Variants in APOBEC3F observed in about 807,000 individuals in gnomAD.
APOBEC3F encodes apolipoprotein B mRNA editing enzyme catalytic subunit 3F.
In APOBEC3F, 34 loss-of-function variants were observed where a neutral mutation model predicts 45.8. That is an observed-to-expected ratio of 0.74 (90% confidence interval 0.57 to 0.99). APOBEC3F has a LOEUF of 0.99. APOBEC3F is among the 50% of genes least tolerant of loss of function. APOBEC3F has a pLI of 0.00. For synonymous variants in APOBEC3F, 192 were observed against 174.4 expected, an observed-to-expected ratio of 1.10 and a Z score of -0.80; for missense variants, 459 against 474.1, an observed-to-expected ratio of 0.97 and a Z score of 0.30.
At chr22:39,050,964 T>C (rs1259437335) in intron 5 of APOBEC3F, among the ~76,000 whole-genome samples, 1 of 152,052 alleles carries the variant, frequency 6.6e-6, no homozygotes, top group African/African-American at 2.4e-5. Flanking sequence ...AGGGGCCGAG[T>C]GCAGTGGCTC....
rs1926924864 is a variant in APOBEC3F, at chr22:39,041,960, A to C, written c.18-977A>C. Among the ~76,000 whole-genome samples, 3 of 152,348 alleles carry C rather than the reference A, an allele frequency of 2.0e-5. No individual in the cohort carries two copies. In the South Asian group the frequency reaches 6.2e-4, roughly 32 times the overall value. On this transcript the variant is annotated intron_variant, in intron 1 of 6. Coordinates refer to ENST00000308521, the MANE Select transcript of APOBEC3F (RefSeq NM_145298.6). ...TTATTTTAAAATTTAGTAAGAAGAG[A>C]GTCTGGTCCCCAATGGCTCCCTCCT... is the stretch of plus-strand genomic sequence containing the variant.
chr22:39,045,236 G>T lies in APOBEC3F; in HGVS notation c.451+16G>T, dbSNP rs1249904124. ...GACGATGAAGGTGAGAGGTGGAGGG[G>T]TCAGGGGAGCGTGAGCGGGAGGAAC... On this transcript the variant is annotated intron_variant, in intron 3 of 6. Transcript: ENST00000308521. The T allele has an allele frequency of 1.9e-6, 3 of 1,612,356 alleles. No individual in the cohort carries two copies. The highest frequency in any genetic ancestry group is 1.1e-5 in the South Asian group (1 of 91,044).
intron 4 of APOBEC3F, 97 bp downstream of exon 4, chr22:39,045,639 G>A: frequency 6.3e-7 from 1 of 1,582,354 alleles, no homozygotes; most frequent in Non-Finnish European, 8.6e-7. Flanking sequence ...CCTCCGTCCT[G>A]CCCCCTGCCT....
chr22:39,045,561 C>T lies in APOBEC3F; in HGVS notation c.566+19C>T, dbSNP rs746214420. 2 of 1,613,922 alleles carry T rather than the reference C, an allele frequency of 1.2e-6. No homozygotes were observed. The highest frequency in any genetic ancestry group is 1.1e-5 in the South Asian group (1 of 91,072). ...TTCTCAGGTGAGGGTCTCCCTCTGG[C>T]CTCATCGTCTGTCTCCTCTCGCCTC... On this transcript the variant is annotated intron_variant, in intron 4 of 6. Transcript: ENST00000308521.
At chr22:39,047,633 C>G (rs920782543) in intron 4 of APOBEC3F, among the ~76,000 whole-genome samples, 25 of 152,056 alleles carry the variant, frequency 1.6e-4, no homozygotes, top group African/African-American at 6.0e-4. Flanking sequence ...CCTCTGGTTC[C>G]TCTGCTGCTC....
intron 4 of APOBEC3F, among the ~76,000 whole-genome samples, chr22:39,045,784 C>T (rs893263212): frequency 8.5e-5 from 13 of 152,290 alleles, no homozygotes; most frequent in Middle Eastern, 3.4e-3. Flanking sequence ...CCTTCGAGGC[C>T]GCCCTCCCCA....
chr22:39,043,929 G>T (rs1441629237), intron 2 of APOBEC3F, among the ~76,000 whole-genome samples: 1 of 152,162 alleles, frequency 6.6e-6, no homozygotes, highest in East Asian at 1.9e-4. Context: ...GGAGGCTGAG[G>T]CAGGAGAACC....
intron 6 of APOBEC3F, 94 bp from the exon 7 acceptor site, chr22:39,052,483 C>A: frequency 6.4e-7 from 1 of 1,568,810 alleles, no homozygotes; most frequent in Non-Finnish European, 8.6e-7. Flanking sequence ...TCCACTGCAA[C>A]TGGCAGTCAG....
At position 39,052,624 on chromosome 22, in the gene APOBEC3F, T is replaced by C. The variant is rs757600612; in HGVS notation, c.1051T>C (p.Phe351Leu). ...ENFVYNDDEP[F>L]KPWKGLKYNF... Reference sequence around the variant, plus strand: ...CTTTGTGTACAATGATGATGAGCCATTCAAGCCTTGGAAAGGACTAAAATA... The same window carrying C: ...CTTTGTGTACAATGATGATGAGCCACTCAAGCCTTGGAAAGGACTAAAATA... The change falls in exon 7 of 7, where the codon TTC becomes CTC. Residue 351 changes from phenylalanine to leucine, a missense_variant. Physicochemically the swap from Phe to Leu is conservative, Grantham distance 22 (BLOSUM62 0). Coordinates refer to ENST00000308521, the MANE Select transcript of APOBEC3F (RefSeq NM_145298.6). 9 of 1,613,922 alleles carry C rather than the reference T, an allele frequency of 5.6e-6. No homozygotes were observed. The highest frequency in any genetic ancestry group is 6.8e-6 in the Non-Finnish European group (8 of 1,179,972).
rs749633845 is a variant in APOBEC3F at position 39,045,118 on chromosome 22, A to G, written c.349A>G (p.Ile117Val). The G allele has an allele frequency of 1.9e-6, 3 of 1,613,960 alleles. No homozygotes were observed. In the South Asian group the frequency reaches 3.3e-5, roughly 18 times the overall value. The change falls in exon 3 of 7, where the codon ATC becomes GTC. Residue 117 changes from isoleucine to valine, a missense_variant. Transcript: ENST00000308521. The part of the protein sequence containing the change: ...LAEHPNVTLT[I>V]SAARLYYYWE... ...TGAGCACCCCAATGTCACCCTGACC[A>G]TCTCCGCCGCCCGCCTCTACTACTA...
intron 1 of APOBEC3F, among the ~76,000 whole-genome samples, chr22:39,042,645 C>T (rs113066397): frequency 6.6e-5 from 10 of 152,176 alleles, no homozygotes; most frequent in African/African-American, 2.2e-4. Flanking sequence ...TTTACTAATG[C>T]GTTGGAGAAT....
At position 39,055,928 on chromosome 22, in the gene APOBEC3F, G is replaced by T. The variant is rs754656150; in HGVS notation, c.*3233G>T. 6.6e-6 allele frequency among the ~76,000 whole-genome samples: 1 copy of T among 152,186 alleles called. No homozygotes were observed. Among genetic ancestry groups the T allele is most frequent in the African/African-American group, 2.4e-5 (1 of 41,446 alleles). On this transcript the variant is annotated 3_prime_UTR_variant, in exon 7 of 7. Coordinates refer to ENST00000308521, the MANE Select transcript of APOBEC3F (RefSeq NM_145298.6). ...AGGGAGCTCCAATCTTCAGATGCAA[G>T]TCTGTCAACGCTCCCAGCTGATTAA...
Position 39,049,497 on chromosome 22 carries a change from G to T in APOBEC3F, c.639G>T (p.Arg213=), listed in dbSNP as rs775299622. 4 of 1,614,036 alleles carry T rather than the reference G, an allele frequency of 2.5e-6. No individual in the cohort carries two copies. Among genetic ancestry groups the T allele is most frequent in the East Asian group, 2.2e-5 (1 of 44,888 alleles). ...AAAACCTACGCAAAGCCTATGGTCG[G>T]AACGAAAGCTGGCTGTGCTTCACCA... ...HFKNLRKAYG[R]NESWLCFTME... Residue 213 remains arginine (R), a synonymous_variant, in exon 5 of 7, where the codon CGG becomes CGT. Transcript: ENST00000308521.
chr22:39,044,894 C>G, intron 2 of APOBEC3F, 47 bp from the exon 3 acceptor site: 1 of 1,562,842 alleles, frequency 6.4e-7, no homozygotes, highest in Non-Finnish European at 8.7e-7. Flanking sequence ...CTGCACTCCT[C>G]CTGCTCCCCC....
Position 39,044,327 on chromosome 22 carries a change from C to T in APOBEC3F, c.172-614C>T, listed in dbSNP as rs184969830. The T allele has an allele frequency of 2.7e-5, 38 of 1,413,726 alleles. No individual in the cohort carries two copies. The African/African-American group carries it at 3.7e-4, about 14-fold the overall frequency. 87.6% of individuals were successfully genotyped at this position (1,413,726 alleles called of 1,614,324 possible). On this transcript the variant is annotated intron_variant, in intron 2 of 6. Transcript: ENST00000308521. The stretch of plus-strand genomic sequence containing the variant: ...GAACAGGGCTGGGAAAACTTCCAAA[C>T]GAAGGGAAGCTCATGTCTTGGTGCA...
At chr22:39,050,399 T>G (rs34030302) in intron 5 of APOBEC3F, among the ~76,000 whole-genome samples, 38 of 118,286 alleles carry the variant, frequency 3.2e-4, no homozygotes, top group African/African-American at 1.1e-3. Flanking sequence ...GGCCCCCTCC[T>G]CCCAGGCAGG....
In APOBEC3F at chr22:39,043,041, C is replaced by T. The variant is rs1926998075; in HGVS notation, c.122C>T (p.Thr41Ile). 13 of 1,614,194 alleles carry T rather than the reference C, an allele frequency of 8.1e-6. No homozygotes were observed. The highest frequency in any genetic ancestry group is 1.1e-5 in the Non-Finnish European group (13 of 1,180,032). ...NTVWLCYEVK[T>I]KGPSRPRLDA... ...GTCTGGCTGTGCTACGAAGTGAAAACAAAGGGTCCCTCAAGGCCCCGTTTG... is the reference window on the plus strand; with the variant it reads ...GTCTGGCTGTGCTACGAAGTGAAAATAAAGGGTCCCTCAAGGCCCCGTTTG... The change falls in exon 2 of 7, where the codon ACA becomes ATA. Residue 41 changes from threonine (T) to isoleucine (I), a missense_variant. By Grantham distance (89) the Thr-to-Ile change is moderately conservative. Transcript: ENST00000308521.
At position 39,052,753 on chromosome 22, in the gene APOBEC3F, G is replaced by C; in HGVS notation, c.*58G>C. 2 of 1,566,660 alleles carry C rather than the reference G, an allele frequency of 1.3e-6. No homozygotes were observed. Among genetic ancestry groups the C allele is most frequent in the Non-Finnish European group, 1.7e-6 (2 of 1,159,672 alleles). Reference sequence around the variant, plus strand: ...CTAGCCTCCTGCTCATGTTGTGCAGGCCTCCCCTCCATCCTGGACCAGCTG... The same window carrying C: ...CTAGCCTCCTGCTCATGTTGTGCAGCCCTCCCCTCCATCCTGGACCAGCTG... On this transcript the variant is annotated 3_prime_UTR_variant, in exon 7 of 7. Coordinates refer to ENST00000308521, the MANE Select transcript of APOBEC3F (RefSeq NM_145298.6).
intron 5 of APOBEC3F, among the ~76,000 whole-genome samples, chr22:39,049,948 C>G (rs1440415965): frequency 6.7e-6 from 1 of 149,320 alleles, no homozygotes; most frequent in Non-Finnish European, 1.5e-5. Context: ...AGTGATCCGC[C>G]CCCCTCGGCC....
Sources: gnomAD v4.1 joint callset for allele counts (sites outside exome capture counted in the v4.1 genomes callset) on GRCh38, gnomAD v4.1.1 for gene constraint, MANE v1.5 for transcripts, NCBI Gene and HGNC (gene_info 2026-07-23, HGNC 2026-07-21) for gene names.